The following KIF2A variants were observed in gnomAD, a reference collection of about 807,000 sequenced individuals.
The protein encoded by KIF2A is kinesin-like protein KIF2A.
In KIF2A, 22 loss-of-function variants were observed where a neutral mutation model predicts 100.2. The observed-to-expected ratio is 0.22, with a 90% CI of 0.16 to 0.31. KIF2A has a LOEUF of 0.31. Among genes scored for constraint, KIF2A ranks in the 10% least tolerant of loss-of-function variants. The pLI, the probability that KIF2A is intolerant of heterozygous loss-of-function variation, is 1.00. For synonymous variants in KIF2A, 268 were observed against 285.9 expected (o/e 0.94, Z 0.63); for missense variants, 495 against 898.7 (o/e 0.55, Z 5.74).
chr5:62,312,066 T>G (rs944880943), intron 1 of KIF2A, among the ~76,000 whole-genome samples: 3 of 152,218 alleles, frequency 2.0e-5, no homozygotes, highest in Non-Finnish European at 2.9e-5. Flanking sequence ...TTGTATACTT[T>G]AGTATTTCTT....
chr5:62,360,633 T>C (rs867679094), intron 9 of KIF2A, among the ~76,000 whole-genome samples: 12 of 151,858 alleles, frequency 7.9e-5, no homozygotes, highest in African/African-American at 2.9e-4. Context: ...TGCAGTGAGC[T>C]GAGATCGCGC....
intron 20 of KIF2A, among the ~76,000 whole-genome samples, chr5:62,382,650 T>G (rs1158830631): frequency 6.6e-6 from 1 of 151,388 alleles, no homozygotes; most frequent in Non-Finnish European, 1.5e-5. Context: ...TTTTTTTTTT[T>G]GTCATGGAGT....
chr5:62,325,113 A>G (rs7700569), intron 1 of KIF2A, among the ~76,000 whole-genome samples: 78,745 of 151,726 alleles, frequency 0.52, 21,228 homozygotes, highest in South Asian at 0.65. Flanking sequence ...ACTGTTGTAA[A>G]GCTTTTCTTT....
chr5:62,314,764 T>TTG (rs1745728872), intron 1 of KIF2A, among the ~76,000 whole-genome samples: 1 of 146,596 alleles, frequency 6.8e-6, no homozygotes, highest in African/African-American at 2.5e-5. Flanking sequence ...AACTGTTTTT[T>TTG]TTTTTTTTTT....
intron 1 of KIF2A, among the ~76,000 whole-genome samples, chr5:62,318,878 A>G (rs1745964665): frequency 6.6e-6 from 1 of 152,176 alleles, no homozygotes; most frequent in South Asian, 2.1e-4. Context: ...CAAATTCAGC[A>G]TGTCCAAAAT....
chr5:62,381,173 T>A lies in KIF2A; in HGVS notation c.2069T>A (p.Val690Glu). The A allele has an allele frequency of 6.2e-7, 1 of 1,607,906 alleles. No individual in the cohort carries two copies. The highest frequency in any genetic ancestry group is 8.5e-7 in the Non-Finnish European group (1 of 1,174,474). ...GCCCTCTTAGAGATGACTGAAGAAG[T>A]AGATTATGATGTCGATTCATATGCT... ...EKALLEMTEE[V>E]DYDVDSYATQ... Residue 690 changes from valine to glutamate, a missense_variant, in exon 20 of 21, where the codon GTA (valine) becomes GAA (glutamate). Val to Glu is a moderately radical substitution (Grantham distance 121, BLOSUM62 -2). Around this residue, in one of 10 missense-constraint regions of KIF2A, gnomAD observed 58 missense variants for 94.8 expected, o/e 0.61. Coordinates refer to ENST00000407818, the MANE Select transcript of KIF2A (RefSeq NM_001098511.3).
chr5:62,321,447 TA>T (rs1350132826), intron 1 of KIF2A, among the ~76,000 whole-genome samples: 1 of 152,234 alleles, frequency 6.6e-6, no homozygotes, highest in Non-Finnish European at 1.5e-5. Context: ...TTTTTTATTA[TA>T]GCCGTCCTGG....
chr5:62,383,221 C>G (rs1741862281), intron 20 of KIF2A, among the ~76,000 whole-genome samples: 1 of 144,200 alleles, frequency 6.9e-6, no homozygotes, highest in Non-Finnish European at 1.5e-5. Flanking sequence ...GCCACCATGC[C>G]TGGCCAGATT....
In KIF2A at chr5:62,362,430, G is replaced by C. The variant is rs762716491; in HGVS notation, c.1028-20G>C. ...AATATTTGTTGGATCTCAATTTTCT[G>C]TATATGAAATTTTTGACAGCTCGAG... On this transcript the variant is annotated intron_variant, in intron 11 of 20. Coordinates refer to ENST00000407818, the MANE Select transcript of KIF2A (RefSeq NM_001098511.3). The C allele has an allele frequency of 9.8e-6, 12 of 1,223,294 alleles. No homozygotes were observed. The African/African-American group carries it at 1.9e-4, about 19-fold the overall frequency. 75.8% of individuals were successfully genotyped at this position (1,223,294 alleles called of 1,614,324 possible). A position where few individuals can be genotyped will look rare whatever the true frequency, so the allele number is the denominator to read the frequency against.
chr5:62,308,554 A>G (rs1436544070), intron 1 of KIF2A: 2 of 702,582 alleles, frequency 2.8e-6, no homozygotes, highest in Non-Finnish European at 5.2e-6. Flanking sequence ...GTATACGTTT[A>G]TGTGTGTGTA....
Position 62,355,145 on chromosome 5 carries a change from C to T in KIF2A, c.559-14C>T. 1 of 1,160,160 alleles carries T rather than the reference C, an allele frequency of 8.6e-7. No individual in the cohort carries two copies. The highest frequency in any genetic ancestry group is 1.3e-5 in the South Asian group (1 of 76,124). 71.9% of individuals were successfully genotyped at this position (1,160,160 alleles called of 1,614,324 possible). A position where few individuals can be genotyped will look rare whatever the true frequency, so the allele number is the denominator to read the frequency against. ...TTATATTTATAATGGTGAATTCTCT[C>T]TGTCTTCTAATAGGACGTTGATGCT... is the stretch of plus-strand genomic sequence containing the variant. On this transcript the variant is annotated splice_polypyrimidine_tract_variant and intron_variant, in intron 6 of 20. Coordinates refer to ENST00000407818, the MANE Select transcript of KIF2A (RefSeq NM_001098511.3).
intron 11 of KIF2A, 165 bp from the exon 12 acceptor site, chr5:62,362,285 T>G: frequency 3.3e-6 from 1 of 304,108 alleles, no homozygotes; most frequent in Non-Finnish European, 6.1e-6. Flanking sequence ...GAATAGCTTC[T>G]ATTAATACTA....
chr5:62,351,789 G>T (rs909941282), intron 4 of KIF2A, among the ~76,000 whole-genome samples: 1 of 152,004 alleles, frequency 6.6e-6, no homozygotes, highest in African/African-American at 2.4e-5. Flanking sequence ...ATATAGGGAG[G>T]GTTGAAGCTA....
Position 62,362,494 on chromosome 5 carries a change from C to G in KIF2A, c.1072C>G (p.Leu358Val). The G allele has an allele frequency of 6.8e-7, 1 of 1,463,996 alleles. No individual in the cohort carries two copies. The highest frequency in any genetic ancestry group is 9.0e-7 in the Non-Finnish European group (1 of 1,110,120). The allele number at this position is 1,463,996 out of a possible 1,614,324, so 90.7% of individuals were successfully genotyped here. A position where few individuals can be genotyped will look rare whatever the true frequency, so the allele number is the denominator to read the frequency against. Residue 358 changes from leucine (L) to valine (V), a missense_variant, in exon 12 of 21, where the codon CTA (leucine) becomes GTA (valine). Transcript: ENST00000407818. ...LMLKKPNYKK[L>V]ELQVYATFFE... ...GCTAAAGAAGCCAAACTATAAGAAG[C>G]TAGAACTTCAAGTATATGCAACCTT...
At chr5:62,311,376 A>T (rs1174738674) in intron 1 of KIF2A, among the ~76,000 whole-genome samples, 1 of 152,196 alleles carries the variant, frequency 6.6e-6, no homozygotes, top group African/African-American at 2.4e-5. Context: ...AAGAAGTGCT[A>T]TGTTACTACA....
intron 1 of KIF2A, among the ~76,000 whole-genome samples, chr5:62,336,029 G>C (rs1030268141): frequency 1.3e-5 from 2 of 152,108 alleles, no homozygotes; most frequent in Non-Finnish European, 2.9e-5. Flanking sequence ...TGAGGCTTCT[G>C]GTTCAAAATA....
chr5:62,310,576 G>A (rs1325849290), intron 1 of KIF2A, among the ~76,000 whole-genome samples: 1 of 152,092 alleles, frequency 6.6e-6, no homozygotes, highest in African/African-American at 2.4e-5. Flanking sequence ...CCCTACTCTG[G>A]CCCTCTACTT....
chr5:62,367,244 C>T (rs113961876), intron 16 of KIF2A, among the ~76,000 whole-genome samples: 2,484 of 151,626 alleles, frequency 0.016, 60 homozygotes, highest in African/African-American at 0.058. Flanking sequence ...TAGCACAGTT[C>T]TTTCTGGTGT....
At chr5:62,308,905 C>T (rs1188147014) in intron 1 of KIF2A, among the ~76,000 whole-genome samples, 1 of 61,704 alleles carries the variant, frequency 1.6e-5, no homozygotes, top group East Asian at 3.3e-4. Context: ...TGGATTTTAG[C>T]AGCTCTTGTT....
Sources: gnomAD v4.1 joint callset for allele counts (sites outside exome capture counted in the v4.1 genomes callset) on GRCh38, gnomAD v4.1.1 for gene constraint, gnomAD v4.1.1 regional missense constraint, MANE v1.5 for transcripts, NCBI Gene and HGNC (gene_info 2026-07-23, HGNC 2026-07-21) for gene names.